Variants in FAT3 observed in about 807,000 individuals in gnomAD.
FAT3 encodes the protein FAT atypical cadherin 3, also known as protocadherin Fat 3.
A neutral mutation model predicts 310.2 loss-of-function variants in FAT3; 95 were observed. The observed-to-expected ratio is 0.31, with a 90% CI of 0.26 to 0.36. The LOEUF is 0.36. FAT3 is among the 10% of genes least tolerant of loss of function. The probability of loss-of-function intolerance (pLI) is 1.00; values close to 1 mark genes in which losing one functional copy is unlikely to be tolerated. For missense variants in FAT3, 5,408 were observed against 5,715.6 expected (o/e 0.95, Z 1.74); for synonymous variants, 2,314 against 2,192.9 (o/e 1.06, Z -1.54).
chr11:92,724,409 C>G (rs990747576), intron 4 of FAT3, among the ~76,000 whole-genome samples: 2 of 152,152 alleles, frequency 1.3e-5, no homozygotes, highest in Non-Finnish European at 1.5e-5. Context: ...AGTTACTAAG[C>G]CATCCCAGAT....
chr11:92,878,655 AAAAAAAAAAAAAG>A (rs547956718), intron 22 of FAT3, among the ~76,000 whole-genome samples: 4,649 of 130,446 alleles, frequency 0.036, 630 homozygotes, highest in African/African-American at 0.16. Flanking sequence ...AAAAAAAAAA[AAAAAAAAAAAAAG>A]CTCCGCACAA....
intron 21 of FAT3, among the ~76,000 whole-genome samples, chr11:92,860,012 G>T (rs566835380): frequency 6.6e-6 from 1 of 152,216 alleles, no homozygotes; most frequent in South Asian, 2.1e-4. Context: ...TTCCAGCCTG[G>T]CCAACATGGT....
Position 92,426,896 on chromosome 11 carries a change from T to C in FAT3, c.3292+71492T>C, listed in dbSNP as rs535135987. Among the ~76,000 whole-genome samples the C allele has an allele frequency of 9.8e-4, 149 of 152,320 alleles. 1 individual carries two copies. Among genetic ancestry groups the C allele is most frequent in the Middle Eastern group, 6.8e-3 (2 of 294 alleles). On this transcript the variant is annotated intron_variant, in intron 2 of 27. Coordinates refer to ENST00000525166, the MANE Select transcript of FAT3 (RefSeq NM_001367949.2). ...TTCCATATGAAATTTAAAGTAGTTT[T>C]GTCTAATTCTGTGAAGAAAGTAAAT... is the stretch of plus-strand genomic sequence containing the variant.
At chr11:92,245,917 C>A (rs1303373889) in intron 1 of FAT3, among the ~76,000 whole-genome samples, 2 of 151,986 alleles carry the variant, frequency 1.3e-5, no homozygotes, top group Non-Finnish European at 1.5e-5. Flanking sequence ...TGGGGGAAGA[C>A]CCAGGGGAGG....
intron 4 of FAT3, among the ~76,000 whole-genome samples, chr11:92,714,335 C>T (rs575194494): frequency 1.3e-5 from 2 of 152,006 alleles, no homozygotes; most frequent in East Asian, 3.9e-4. Flanking sequence ...TAAGATAATC[C>T]TCCACTCCAG....
At chr11:92,405,511 C>T (rs144790885) in intron 2 of FAT3, among the ~76,000 whole-genome samples, 9 of 152,292 alleles carry the variant, frequency 5.9e-5, no homozygotes, top group African/African-American at 1.2e-4. Flanking sequence ...AATCCCAGCA[C>T]GTGGGGAGGC....
intron 1 of FAT3, among the ~76,000 whole-genome samples, chr11:92,238,929 T>C (rs1351608672): frequency 6.6e-6 from 1 of 152,156 alleles, no homozygotes; most frequent in Non-Finnish European, 1.5e-5. Context: ...AACAGTAACG[T>C]GCATTCGTTT....
intron 1 of FAT3, among the ~76,000 whole-genome samples, chr11:92,325,914 G>A (rs1472747336): frequency 6.6e-6 from 1 of 152,234 alleles, no homozygotes. Flanking sequence ...ACAGGCATGA[G>A]CCACCATACC....
chr11:92,423,309 T>G (rs1950568117), intron 2 of FAT3, among the ~76,000 whole-genome samples: 1 of 152,078 alleles, frequency 6.6e-6, no homozygotes, highest in African/African-American at 2.4e-5. Context: ...TGACACATAA[T>G]AAAATATAAA....
intron 3 of FAT3, among the ~76,000 whole-genome samples, chr11:92,537,565 G>A (rs1474139826): frequency 1.3e-5 from 2 of 152,020 alleles, no homozygotes; most frequent in Non-Finnish European, 2.9e-5. Flanking sequence ...TTATTATTGG[G>A]ATTCAGAGAT....
intron 1 of FAT3, among the ~76,000 whole-genome samples, chr11:92,313,884 CT>C (rs1947369791): frequency 6.6e-6 from 1 of 152,200 alleles, no homozygotes; most frequent in Admixed American, 6.5e-5. Context: ...CAGTAAGCCA[CT>C]TGGTTTTTAC....
chr11:92,541,990 G>A (rs1954462465), intron 3 of FAT3, among the ~76,000 whole-genome samples: 1 of 151,958 alleles, frequency 6.6e-6, no homozygotes, highest in African/African-American at 2.4e-5. Context: ...CTACAGAAAA[G>A]TTCTCTAAAG....
In FAT3 at chr11:92,792,994, T is replaced by C. The variant is rs1225814722; in HGVS notation, c.4822+17T>C. On this transcript the variant is annotated intron_variant, in intron 9 of 27. Transcript: ENST00000525166. ...TAGAAGCAGGTGAGAGCTGTTGCACTGCACAGATTTCAGCATAATGCAAGG... is the reference window on the plus strand; with the variant it reads ...TAGAAGCAGGTGAGAGCTGTTGCACCGCACAGATTTCAGCATAATGCAAGG... The C allele has an allele frequency of 6.2e-7, 1 of 1,609,884 alleles. No homozygotes were observed. Among genetic ancestry groups the C allele is most frequent in the Non-Finnish European group, 8.5e-7 (1 of 1,176,896 alleles).
At chr11:92,560,651 A>T (rs1356488395) in intron 3 of FAT3, among the ~76,000 whole-genome samples, 1 of 152,154 alleles carries the variant, frequency 6.6e-6, no homozygotes, top group Non-Finnish European at 1.5e-5. Flanking sequence ...TAAAAAGAAA[A>T]AGACTCTGTT....
intron 4 of FAT3, among the ~76,000 whole-genome samples, chr11:92,740,246 T>C (rs1380274125): frequency 6.6e-6 from 1 of 152,214 alleles, no homozygotes; most frequent in African/African-American, 2.4e-5. Context: ...TTTCAATGTT[T>C]TTGGCTGGGC....
intron 1 of FAT3, among the ~76,000 whole-genome samples, chr11:92,312,489 A>G (rs1468226792): frequency 6.6e-6 from 1 of 152,170 alleles, no homozygotes; most frequent in African/African-American, 2.4e-5. Context: ...AAAGGCTAAT[A>G]GGTCCCGCTA....
chr11:92,375,039 A>G (rs963550753), intron 2 of FAT3, among the ~76,000 whole-genome samples: 4 of 152,150 alleles, frequency 2.6e-5, no homozygotes, highest in African/African-American at 7.2e-5. Flanking sequence ...TTAATAAAAC[A>G]TGCGCACACA....
At chr11:92,668,767 G>A (rs1216600075) in intron 3 of FAT3, among the ~76,000 whole-genome samples, 5 of 152,136 alleles carry the variant, frequency 3.3e-5, no homozygotes, top group Admixed American at 6.5e-5. Context: ...CAGCTACTTC[G>A]ATCTCTTATA....
chr11:92,613,178 T>C (rs956735117), intron 3 of FAT3, among the ~76,000 whole-genome samples: 2 of 152,130 alleles, frequency 1.3e-5, no homozygotes, highest in African/African-American at 4.8e-5. Flanking sequence ...CATCCTAATA[T>C]TGTTTAGAAT....
Sources: allele counts gnomAD v4.1 joint callset (sites outside exome capture counted in the v4.1 genomes callset), GRCh38; gene constraint gnomAD v4.1.1; transcripts MANE v1.5; gene names NCBI Gene and HGNC (gene_info 2026-07-23, HGNC 2026-07-21).